ERI3: variants seen among roughly 807,000 people sequenced by gnomAD.
ERI3 encodes the protein ERI1 exoribonuclease 3.
ERI3 carries 18 observed loss-of-function variants against 44.4 expected under a neutral mutation model. The observed-to-expected ratio is 0.41, with a 90% CI of 0.28 to 0.60. The LOEUF is 0.60. ERI3 is among the 20% of genes least tolerant of loss of function. ERI3 has a pLI of 0.36. For synonymous variants in ERI3, 183 were observed against 164.8 expected, an observed-to-expected ratio of 1.11 and a Z score of -0.84; for missense variants, 294 against 435.5, an observed-to-expected ratio of 0.68 and a Z score of 2.89.
rs190125717 is a variant in ERI3 at position 44,267,433 on chromosome 1, G to A, written c.831+17402C>T. 6.8e-3 allele frequency among the ~76,000 whole-genome samples: 1,037 copies of A among 152,130 alleles called. 5 individuals are homozygous for A. The highest frequency in any genetic ancestry group is 0.014 in the Middle Eastern group (4 of 294). On this transcript the variant is annotated intron_variant, in intron 7 of 8. Coordinates refer to ENST00000372257, the MANE Select transcript of ERI3 (RefSeq NM_024066.3). ...CTTCCCTCCCTTTCTTTCCTGCAGA[G>A]CTTCCCTCAAGCCATAAAAATAAAA...
At chr1:44,314,545 C>T (rs184556734) in intron 4 of ERI3, among the ~76,000 whole-genome samples, 1 of 152,208 alleles carries the variant, frequency 6.6e-6, no homozygotes, top group African/African-American at 2.4e-5. Context: ...CTTTAACCCA[C>T]AGCATGCCCA....
At chr1:44,283,323 T>G (rs983891282) in intron 7 of ERI3, among the ~76,000 whole-genome samples, 1 of 152,202 alleles carries the variant, frequency 6.6e-6, no homozygotes, top group African/African-American at 2.4e-5. Context: ...GAACCAGACT[T>G]CATCTCTGTG....
In ERI3 at chr1:44,228,608, C is replaced by T. The variant is rs186219091; in HGVS notation, c.932-6968G>A. 2.0e-5 allele frequency among the ~76,000 whole-genome samples: 3 copies of T among 152,154 alleles called. No homozygotes were observed. Among genetic ancestry groups the T allele is most frequent in the South Asian group, 2.1e-4 (1 of 4,826 alleles). On this transcript the variant is annotated intron_variant, in intron 8 of 8. Coordinates refer to ENST00000372257, the MANE Select transcript of ERI3 (RefSeq NM_024066.3). This position sits in a 1 kb window ranked among gnomAD's most constrained non-coding sequence, Gnocchi z 4.3. ...ATTAAGGCAATCAAACACTTACCGC[C>T]GCTCCTGGAGGCCAGGCATGGAAAT...
chr1:44,317,328 G>A (rs532012784), intron 4 of ERI3, among the ~76,000 whole-genome samples: 72 of 152,286 alleles, frequency 4.7e-4, no homozygotes, highest in African/African-American at 1.7e-3. Context: ...CAACTGCCAG[G>A]TTGGATGAGG....
rs572982940 is a variant in ERI3 at position 44,342,550 on chromosome 1, A to C, written c.212-3228T>G. On this transcript the variant is annotated intron_variant, in intron 2 of 8. Transcript: ENST00000372257. ...GATAGATGGATACACACACACACAC[A>C]AATATACACACATATGCATATATAT... 1.7e-3 allele frequency among the ~76,000 whole-genome samples: 252 copies of C among 151,876 alleles called. 1 individual carries two copies. Among genetic ancestry groups the C allele is most frequent in the African/African-American group, 5.8e-3 (242 of 41,452 alleles).
chr1:44,228,881 C>G lies in ERI3; in HGVS notation c.932-7241G>C, dbSNP rs528782845. On this transcript the variant is annotated intron_variant, in intron 8 of 8. Transcript: ENST00000372257. The surrounding 1 kb of genome is among the most constrained non-coding windows in gnomAD (Gnocchi z 4.3). ...TGGTCCCAAATGCCAAAGATGATAC[C>G]CAAGACAAACCCTTATCCAGACTCC... is the stretch of plus-strand genomic sequence containing the variant. Among the ~76,000 whole-genome samples, 12 of 152,314 alleles carry G rather than the reference C, an allele frequency of 7.9e-5. 2 individuals carry two copies. Among genetic ancestry groups the G allele is most frequent in the African/African-American group, 2.9e-4 (12 of 41,560 alleles).
chr1:44,328,261 C>T (rs1311622711), intron 3 of ERI3, among the ~76,000 whole-genome samples: 1 of 128,352 alleles, frequency 7.8e-6, no homozygotes, highest in African/African-American at 3.0e-5. Context: ...ATTTCTCACA[C>T]ACTGTCCCAT....
intron 2 of ERI3, among the ~76,000 whole-genome samples, chr1:44,349,026 AC>A (rs1646839466): frequency 6.6e-6 from 1 of 152,170 alleles, no homozygotes; most frequent in East Asian, 1.9e-4. Context: ...CTAATAAATG[AC>A]CCCAGACAGA....
At chr1:44,335,022 AGT>A (rs1189453127) in intron 3 of ERI3, among the ~76,000 whole-genome samples, 1 of 152,112 alleles carries the variant, frequency 6.6e-6, no homozygotes, top group African/African-American at 2.4e-5. Flanking sequence ...TAAAAACAGA[AGT>A]GTACCATGCA....
chr1:44,254,124 T>C (rs1038291687), intron 7 of ERI3, among the ~76,000 whole-genome samples: 17 of 152,192 alleles, frequency 1.1e-4, no homozygotes, highest in Non-Finnish European at 2.1e-4. Context: ...TGGGACTTCA[T>C]TCCAAATCAT....
rs1644704846 is a variant in ERI3 at position 44,252,611 on chromosome 1, T to A, written c.832-4573A>T. Among the ~76,000 whole-genome samples the A allele has an allele frequency of 6.6e-6, 1 of 152,204 alleles. No individual in the cohort carries two copies. The highest frequency in any genetic ancestry group is 2.1e-4 in the South Asian group (1 of 4,836). ...CCTCCTCCATGCACTGTCAGTCCCA[T>A]CACAAACACGGCGCCCGGCGGCTTA... On this transcript the variant is annotated intron_variant, in intron 7 of 8. Transcript: ENST00000372257. This position sits in a 1 kb window ranked among gnomAD's most constrained non-coding sequence, Gnocchi z 4.7.
intron 3 of ERI3, among the ~76,000 whole-genome samples, chr1:44,335,619 C>T (rs1294979991): frequency 1.3e-5 from 2 of 151,794 alleles, no homozygotes; most frequent in Non-Finnish European, 2.9e-5. Flanking sequence ...ATTAGCTGGG[C>T]ATGGTGGCGC....
chr1:44,315,777 A>C (rs1350671400), intron 4 of ERI3, among the ~76,000 whole-genome samples: 1 of 152,224 alleles, frequency 6.6e-6, no homozygotes, highest in African/African-American at 2.4e-5. Flanking sequence ...GGAAGGCCTC[A>C]GGCTCCTGTA....
intron 7 of ERI3, among the ~76,000 whole-genome samples, chr1:44,282,266 G>C (rs753967616): frequency 1.3e-5 from 2 of 152,022 alleles, no homozygotes; most frequent in Non-Finnish European, 2.9e-5. Flanking sequence ...CACTCACTAG[G>C]CAAGTCTCAG....
rs541358406 is a variant in ERI3 at position 44,345,663 on chromosome 1, T to C, written c.212-6341A>G. ...TGGCTTTGTCTCAAGCAGCTAAAAATAGCCTGGGAAAAAATACAAATAAAC... is the reference window on the plus strand; with the variant it reads ...TGGCTTTGTCTCAAGCAGCTAAAAACAGCCTGGGAAAAAATACAAATAAAC... On this transcript the variant is annotated intron_variant, in intron 2 of 8. Transcript: ENST00000372257. Among the ~76,000 whole-genome samples, 29 of 152,252 alleles carry C rather than the reference T, an allele frequency of 1.9e-4. No individual in the cohort carries two copies. In the South Asian group the frequency reaches 3.9e-3, roughly 21 times the overall value.
intron 6 of ERI3, among the ~76,000 whole-genome samples, chr1:44,285,813 G>A (rs2154323501): frequency 6.6e-6 from 1 of 152,348 alleles, no homozygotes; most frequent in South Asian, 2.1e-4. Flanking sequence ...GATGGAGGAA[G>A]ACAATACTGG....
At chr1:44,239,891 C>A (rs1644396560) in intron 8 of ERI3, among the ~76,000 whole-genome samples, 1 of 152,226 alleles carries the variant, frequency 6.6e-6, no homozygotes, top group South Asian at 2.1e-4. Context: ...ATTGTCTGAC[C>A]CCTGCCCCTG....
At chr1:44,247,502 G>T (rs549348684) in intron 8 of ERI3, among the ~76,000 whole-genome samples, 2 of 152,294 alleles carry the variant, frequency 1.3e-5, no homozygotes, top group African/African-American at 4.8e-5. Flanking sequence ...ATTAAAAGCT[G>T]GTGAGGTTTA....
At position 44,354,984 on chromosome 1, in the gene ERI3, G is replaced by GCCGCCC. The variant is rs1646968988; in HGVS notation, c.37_42dup (p.Gly13_Arg14dup). 2 of 1,369,780 alleles carry GCCGCCC rather than the reference G, an allele frequency of 1.5e-6. No homozygotes were observed. Among genetic ancestry groups the GCCGCCC allele is most frequent in the South Asian group, 2.1e-5 (1 of 47,024 alleles). 84.9% of individuals were successfully genotyped at this position (1,369,780 alleles called of 1,614,324 possible). ...CAGGAGACCAGCCCTCCTTCCCAGG[G>GCCGCCC]CCGCCCCCGCCCCCCGTCAGCAGCG... is the stretch of plus-strand genomic sequence containing the variant. On this transcript the variant is annotated inframe_insertion, in exon 1 of 9. Transcript: ENST00000372257.
Sources: allele counts gnomAD v4.1 joint callset (sites outside exome capture counted in the v4.1 genomes callset), GRCh38; gene constraint gnomAD v4.1.1; non-coding constraint Gnocchi (gnomAD v3.1); transcripts MANE v1.5; gene names NCBI Gene and HGNC (gene_info 2026-07-23, HGNC 2026-07-21).